The following MT1A variants were observed in gnomAD, a reference collection of about 807,000 sequenced individuals.
MT1A encodes metallothionein-1A.
MT1A carries 6 observed loss-of-function variants against 5.5 expected under a neutral mutation model. That is an observed-to-expected ratio of 1.09 (90% CI 0.60 to 2.16). MT1A has a LOEUF of 2.16. Ranked by LOEUF, MT1A falls within the 30% of genes most tolerant of loss-of-function variation. The pLI is 0.00. For synonymous variants in MT1A, 23 were observed against 24.8 expected (o/e 0.93, Z 0.21); for missense variants, 69 against 73.4 (o/e 0.94, Z 0.22).
In MT1A at chr16:56,639,305, T is replaced by A; in HGVS notation, c.70T>A (p.Cys24Ser). The A allele has an allele frequency of 2.5e-6, 4 of 1,612,044 alleles. 1 individual carries two copies. The highest frequency in any genetic ancestry group is 3.4e-6 in the Non-Finnish European group (4 of 1,178,642). ...CACTGGCTCCTGCAAATGCAAAGAGTGCAAATGCACCTCCTGCAAGAAGAG... is the reference window on the plus strand; with the variant it reads ...CACTGGCTCCTGCAAATGCAAAGAGAGCAAATGCACCTCCTGCAAGAAGAG... ...TCTGSCKCKE[C>S]KCTSCKKSCC... The change falls in exon 2 of 3, where the codon TGC becomes AGC. Residue 24 changes from cysteine to serine, a missense_variant. Coordinates refer to ENST00000290705, the MANE Select transcript of MT1A (RefSeq NM_005946.3).
At chr16:56,639,359 G>A in intron 2 of MT1A, 30 bp downstream of exon 2, 1 of 1,607,362 alleles carries the variant, frequency 6.2e-7, no homozygotes, top group Non-Finnish European at 8.5e-7. Flanking sequence ...CAGGAATCTG[G>A]GGCTGAGCCA....
chr16:56,639,984 A>G lies in MT1A; in HGVS notation c.*34A>G. The stretch of plus-strand genomic sequence containing the variant: ...CAGCCCTGCTCGAAGATATAGAAAG[A>G]GTGACCTGCACAAACTTGGAATTTT... On this transcript the variant is annotated 3_prime_UTR_variant, in exon 3 of 3. Transcript: ENST00000290705. The G allele has an allele frequency of 6.2e-7, 1 of 1,612,164 alleles. No individual in the cohort carries two copies. The highest frequency in any genetic ancestry group is 8.5e-7 in the Non-Finnish European group (1 of 1,179,004).
chr16:56,639,335 T>G lies in MT1A; in HGVS notation c.94+6T>G, dbSNP rs775104739. 3 of 1,611,496 alleles carry G rather than the reference T, an allele frequency of 1.9e-6. No individual in the cohort carries two copies. In the African/African-American group the frequency reaches 4.0e-5, roughly 22 times the overall value. ...ATGCACCTCCTGCAAGAAGAGTGAG[T>G]GTGGGGCCATCTCCAGGAATCTGGG... is the stretch of plus-strand genomic sequence containing the variant. On this transcript the variant is annotated splice_donor_region_variant and intron_variant, in intron 2 of 2. Transcript: ENST00000290705.
intron 1 of MT1A, among the ~76,000 whole-genome samples, chr16:56,639,030 G>A (rs1960411736): frequency 6.6e-6 from 1 of 152,170 alleles, no homozygotes; most frequent in Non-Finnish European, 1.5e-5. Context: ...CTGAGCCCCA[G>A]TACTCTGCGC....
intron 1 of MT1A, among the ~76,000 whole-genome samples, chr16:56,638,988 C>G (rs1481324101): frequency 1.3e-5 from 2 of 152,174 alleles, no homozygotes; most frequent in Non-Finnish European, 2.9e-5. Flanking sequence ...TTCTCCTGCT[C>G]CATGTCACCC....
In MT1A at chr16:56,639,875, C is replaced by T; in HGVS notation, c.111C>T (p.Cys37=). The change falls in exon 3 of 3, where the codon TGC becomes TGT. Residue 37 remains cysteine (C), a synonymous_variant. Transcript: ENST00000290705. Reference sequence around the variant, plus strand: ...CTTCCCCAGGCTGCTGCTCCTGCTGCCCCATGAGCTGTGCCAAGTGTGCCC... The same window carrying T: ...CTTCCCCAGGCTGCTGCTCCTGCTGTCCCATGAGCTGTGCCAAGTGTGCCC... ...TSCKKSCCSC[C]PMSCAKCAQG... 1.2e-6 allele frequency: 2 copies of T among 1,614,156 alleles called. No individual in the cohort carries two copies. The highest frequency in any genetic ancestry group is 1.7e-6 in the Non-Finnish European group (2 of 1,180,018).
chr16:56,638,908 C>G (rs1960410497), intron 1 of MT1A, 142 bp downstream of exon 1: 1 of 1,024,568 alleles, frequency 9.8e-7, no homozygotes, highest in Non-Finnish European at 1.5e-6. Context: ...CACTCAGCGC[C>G]TTCATCATCC....
intron 2 of MT1A, 112 bp downstream of exon 2, chr16:56,639,441 C>A: frequency 7.9e-7 from 1 of 1,271,356 alleles, no homozygotes; most frequent in Non-Finnish European, 1.1e-6. Flanking sequence ...TCCCCTTCCC[C>A]AGCAACTGAT....
At position 56,639,311 on chromosome 16, in the gene MT1A, T is replaced by C. The variant is rs1380445755; in HGVS notation, c.76T>C (p.Cys26Arg). The C allele has an allele frequency of 1.9e-6, 3 of 1,612,162 alleles. No individual in the cohort carries two copies. Among genetic ancestry groups the C allele is most frequent in the South Asian group, 1.1e-5 (1 of 91,068 alleles). ...TGSCKCKECK[C>R]TSCKKSCCSC... is the part of the protein sequence containing the mutation. Reference sequence around the variant, plus strand: ...CTCCTGCAAATGCAAAGAGTGCAAATGCACCTCCTGCAAGAAGAGTGAGTG... The same window carrying C: ...CTCCTGCAAATGCAAAGAGTGCAAACGCACCTCCTGCAAGAAGAGTGAGTG... The change falls in exon 2 of 3, where the codon TGC (cysteine) becomes CGC (arginine). Residue 26 changes from cysteine (C) to arginine (R), a missense_variant. By Grantham distance (180) the Cys-to-Arg change is radical. Coordinates refer to ENST00000290705, the MANE Select transcript of MT1A (RefSeq NM_005946.3).
rs1960423855 is a variant in MT1A, at chr16:56,640,003, G to A, written c.*53G>A. 1 of 1,604,638 alleles carries A rather than the reference G, an allele frequency of 6.2e-7. No homozygotes were observed. The highest frequency in any genetic ancestry group is 8.5e-7 in the Non-Finnish European group (1 of 1,174,568). Reference sequence around the variant, plus strand: ...AGAAAGAGTGACCTGCACAAACTTGGAATTTTTTTTCCATACAACCCTGAC... The same window carrying A: ...AGAAAGAGTGACCTGCACAAACTTGAAATTTTTTTTCCATACAACCCTGAC... On this transcript the variant is annotated 3_prime_UTR_variant, in exon 3 of 3. Coordinates refer to ENST00000290705, the MANE Select transcript of MT1A (RefSeq NM_005946.3).
In MT1A at chr16:56,640,087, A is replaced by G. The variant is rs1960424440; in HGVS notation, c.*137A>G. ...AATGATAATAAAAGTTGCTGACTTA[A>G]TGCTGGCTCTGGTTTTCTTTGTGTG... On this transcript the variant is annotated 3_prime_UTR_variant, in exon 3 of 3. Coordinates refer to ENST00000290705, the MANE Select transcript of MT1A (RefSeq NM_005946.3). 8.3e-7 allele frequency: 1 copy of G among 1,204,452 alleles called. No individual in the cohort carries two copies. The highest frequency in any genetic ancestry group is 1.5e-5 in the African/African-American group (1 of 64,752). The allele number at this position is 1,204,452 out of a possible 1,614,324, so 74.6% of individuals were successfully genotyped here.
chr16:56,639,230 T>C (rs1567345876), intron 1 of MT1A, 34 bp from the exon 2 acceptor site: 2 of 1,609,024 alleles, frequency 1.2e-6, no homozygotes, highest in African/African-American at 1.3e-5. Flanking sequence ...TTATCTTCTG[T>C]ATAAAATTCA....
At chr16:56,639,718 A>G in intron 2 of MT1A, 141 bp from the exon 3 acceptor site, 2 of 1,112,860 alleles carry the variant, frequency 1.8e-6, no homozygotes, top group Non-Finnish European at 2.6e-6. Context: ...TCCACCACTT[A>G]TCTCCCATCT....
chr16:56,639,038 C>T (rs375859932), intron 1 of MT1A, among the ~76,000 whole-genome samples: 36 of 152,168 alleles, frequency 2.4e-4, no homozygotes, highest in African/African-American at 8.2e-4. Flanking sequence ...CAGTACTCTG[C>T]GCAGTTCCTG....
At chr16:56,638,946 C>A (rs1960410895) in intron 1 of MT1A, among the ~76,000 whole-genome samples, 180 bp downstream of exon 1, 1 of 152,150 alleles carries the variant, frequency 6.6e-6, no homozygotes, top group Admixed American at 6.5e-5. Flanking sequence ...TAATGCCTCC[C>A]ATTTCAGAGG....
At chr16:56,639,771 GGGGACAGAGCTT>G in intron 2 of MT1A, 76 bp from the exon 3 acceptor site, 1 of 1,550,616 alleles carries the variant, frequency 6.4e-7, no homozygotes, top group Non-Finnish European at 8.9e-7. Flanking sequence ...CTCTGGGGCT[GGGGACAGAGCTT>G]GGGCCAGGCT....
chr16:56,638,936 TA>T (rs1960410740), intron 1 of MT1A, among the ~76,000 whole-genome samples, 170 bp downstream of exon 1: 1 of 152,184 alleles, frequency 6.6e-6, no homozygotes, highest in Non-Finnish European at 1.5e-5. Flanking sequence ...ATTCCTATTC[TA>T]ATGCCTCCCA....
At chr16:56,639,584 T>C (rs8056289) in intron 2 of MT1A, among the ~76,000 whole-genome samples, 19,883 of 152,258 alleles carry the variant, frequency 0.13, 1,334 homozygotes, top group East Asian at 0.23. Flanking sequence ...CCCCTAAGTG[T>C]GTGGTTCTGG....
In MT1A at chr16:56,639,314, A is replaced by G. The variant is rs779256428; in HGVS notation, c.79A>G (p.Thr27Ala). The change falls in exon 2 of 3, where the codon ACC becomes GCC. Residue 27 changes from threonine (T) to alanine (A), a missense_variant. By Grantham distance (58) the Thr-to-Ala change is moderately conservative. Coordinates refer to ENST00000290705, the MANE Select transcript of MT1A (RefSeq NM_005946.3). The stretch of plus-strand genomic sequence containing the variant: ...CTGCAAATGCAAAGAGTGCAAATGC[A>G]CCTCCTGCAAGAAGAGTGAGTGTGG... Reference protein sequence around the residue: ...GSCKCKECKCTSCKKSCCSCC... With the variant: ...GSCKCKECKCASCKKSCCSCC... The G allele has an allele frequency of 1.2e-6, 2 of 1,612,210 alleles. No homozygotes were observed. The highest frequency in any genetic ancestry group is 1.1e-5 in the South Asian group (1 of 91,068).
Sources: allele counts gnomAD v4.1 joint callset (sites outside exome capture counted in the v4.1 genomes callset), GRCh38; gene constraint gnomAD v4.1.1; transcripts MANE v1.5; gene names NCBI Gene and HGNC (gene_info 2026-07-23, HGNC 2026-07-21).